The following CELF2 variants were observed in gnomAD, a reference collection of about 807,000 sequenced individuals.
The protein encoded by CELF2 is CUG triplet repeat RNA-binding protein 2.
A neutral mutation model predicts 62.6 loss-of-function variants in CELF2; 8 were observed. The ratio of observed to expected loss-of-function variants is 0.13; its 90% CI spans 0.07 to 0.23. The LOEUF is 0.23. CELF2 is among the 10% of genes least tolerant of loss of function. The pLI, the probability that CELF2 is intolerant of heterozygous loss-of-function variation, is 1.00. For missense variants in CELF2, 333 were observed against 671.0 expected, an observed-to-expected ratio of 0.50 and a Z score of 5.56; for synonymous variants, 258 against 250.0, an observed-to-expected ratio of 1.03 and a Z score of -0.30.
At position 11,242,847 on chromosome 10, in the gene CELF2, G is replaced by C. The variant is rs950670058; in HGVS notation, c.355-6306G>C. The stretch of plus-strand genomic sequence containing the variant: ...ATGGGCTGCTTATCCCCAGGAGGTG[G>C]GACGAAGGGGGAGGCCTGATGCTGG... On this transcript the variant is annotated intron_variant, in intron 3 of 12. Coordinates refer to ENST00000633077, the MANE Select transcript of CELF2 (RefSeq NM_001326342.2). This position sits in a 1 kb window ranked among gnomAD's most constrained non-coding sequence, Gnocchi z 4.8. Among the ~76,000 whole-genome samples, 1 of 152,074 alleles carries C rather than the reference G, an allele frequency of 6.6e-6. No homozygotes were observed. The highest frequency in any genetic ancestry group is 2.4e-5 in the African/African-American group (1 of 41,402).
the CELF2 span, among the ~76,000 whole-genome samples, chr10:10,523,492 CATTATG>C: frequency 6.6e-6 from 1 of 152,134 alleles, no homozygotes; most frequent in Non-Finnish European, 1.5e-5. Flanking sequence ...CATTTACAGA[CATTATG>C]ACTGGGGAGG....
chr10:10,953,690 A>G (rs2048565783), intron 2 of CELF2, among the ~76,000 whole-genome samples: 1 of 152,180 alleles, frequency 6.6e-6, no homozygotes, highest in South Asian at 2.1e-4. Flanking sequence ...TCAGAATGGG[A>G]AAGCCTTTTT....
the CELF2 span, among the ~76,000 whole-genome samples, chr10:10,604,450 T>C: frequency 6.6e-6 from 1 of 152,230 alleles, no homozygotes; most frequent in Non-Finnish European, 1.5e-5. Flanking sequence ...AGTTTCCTCA[T>C]GGTAGTAGTC....
chr10:10,778,328 C>T, the CELF2 span, among the ~76,000 whole-genome samples: 1 of 152,184 alleles, frequency 6.6e-6, no homozygotes, highest in African/African-American at 2.4e-5. Context: ...AAAATGCATG[C>T]ATTGTACACA....
At chr10:10,703,508 A>C in the CELF2 span, among the ~76,000 whole-genome samples, 1 of 152,350 alleles carries the variant, frequency 6.6e-6, no homozygotes, top group South Asian at 2.1e-4. Flanking sequence ...ATGATACTGA[A>C]GACTAAACAG....
chr10:11,246,155 T>G lies in CELF2; in HGVS notation c.355-2998T>G, dbSNP rs572983125. Among the ~76,000 whole-genome samples, 1 of 152,236 alleles carries G rather than the reference T, an allele frequency of 6.6e-6. No homozygotes were observed. The highest frequency in any genetic ancestry group is 6.5e-5 in the Admixed American group (1 of 15,298). On this transcript the variant is annotated intron_variant, in intron 3 of 12. Transcript: ENST00000633077. This position sits in a 1 kb window ranked among gnomAD's most constrained non-coding sequence, Gnocchi z 4.6. ...AATGCTCACAGTGCTCTATTTGTGC[T>G]CTTCTGTTTGTCCCTGTTTTTTATG...
At chr10:10,511,120 T>C in the CELF2 span, among the ~76,000 whole-genome samples, 1 of 152,132 alleles carries the variant, frequency 6.6e-6, no homozygotes, top group African/African-American at 2.4e-5. Context: ...TTAAAATATA[T>C]GTATACAGGC....
In CELF2 at chr10:11,242,269, G is replaced by A. The variant is rs2074157905; in HGVS notation, c.355-6884G>A. Among the ~76,000 whole-genome samples, 1 of 152,190 alleles carries A rather than the reference G, an allele frequency of 6.6e-6. No individual in the cohort carries two copies. Among genetic ancestry groups the A allele is most frequent in the Non-Finnish European group, 1.5e-5 (1 of 68,020 alleles). On this transcript the variant is annotated intron_variant, in intron 3 of 12. Coordinates refer to ENST00000633077, the MANE Select transcript of CELF2 (RefSeq NM_001326342.2). The surrounding 1 kb of genome is among the most constrained non-coding windows in gnomAD (Gnocchi z 4.8). ...TTTTATTGAATCTCATGTTAAAGGTGGTTAACTCATCAATTGGTGATGGCT... is the reference window on the plus strand; with the variant it reads ...TTTTATTGAATCTCATGTTAAAGGTAGTTAACTCATCAATTGGTGATGGCT...
intron 5 of CELF2, among the ~76,000 whole-genome samples, chr10:11,258,309 G>A (rs535080062): frequency 1.6e-4 from 24 of 152,332 alleles, no homozygotes; most frequent in African/African-American, 4.6e-4. Flanking sequence ...GGAAAAAAGC[G>A]TCAATGTTCA....
chr10:11,230,368 G>A (rs548009650), intron 3 of CELF2, among the ~76,000 whole-genome samples: 2 of 152,174 alleles, frequency 1.3e-5, no homozygotes, highest in Admixed American at 1.3e-4. Context: ...GTGCTGTTCT[G>A]TAGAACCGGT....
intron 1 of CELF2, among the ~76,000 whole-genome samples, chr10:11,118,437 G>T (rs962690324): frequency 6.6e-6 from 1 of 152,100 alleles, no homozygotes; most frequent in African/African-American, 2.4e-5. Flanking sequence ...AAAGTGCTGG[G>T]ATTACAAGTG....
intron 2 of CELF2, among the ~76,000 whole-genome samples, chr10:11,183,940 C>CCTTCTTTTA (rs1200793933): frequency 5.3e-5 from 8 of 152,160 alleles, no homozygotes; most frequent in African/African-American, 1.9e-4. Flanking sequence ...TTTATAAATT[C>CCTTCTTTTA]CTTCTTTTAC....
At chr10:10,605,613 C>G in the CELF2 span, among the ~76,000 whole-genome samples, 7 of 152,198 alleles carry the variant, frequency 4.6e-5, no homozygotes, top group Admixed American at 2.0e-4. Context: ...GTGAAATCAG[C>G]TTAGAGCATT....
chr10:10,747,335 A>G, the CELF2 span, among the ~76,000 whole-genome samples: 21 of 152,218 alleles, frequency 1.4e-4, no homozygotes, highest in Admixed American at 9.2e-4. Flanking sequence ...AAAATTGAAC[A>G]GGTAGGATGG....
intron 1 of CELF2, among the ~76,000 whole-genome samples, chr10:11,076,297 A>G (rs1398935815): frequency 6.6e-6 from 1 of 152,194 alleles, no homozygotes; most frequent in Non-Finnish European, 1.5e-5. Flanking sequence ...ATTGTAAATA[A>G]TAGTCAAAGA....
the CELF2 span, among the ~76,000 whole-genome samples, chr10:10,759,296 C>CTTTTTTTTTTTTTTTTTTTTTTTTT: frequency 8.3e-6 from 1 of 120,904 alleles, no homozygotes; most frequent in Non-Finnish European, 1.7e-5. Context: ...GCCCATTTTT[C>CTTTTTTTTTTTTTTTTTTTTTTTTT]TTTTTTTTTT....
At chr10:10,917,636 T>TG (rs2064475102) in intron 1 of CELF2, among the ~76,000 whole-genome samples, 1 of 152,200 alleles carries the variant, frequency 6.6e-6, no homozygotes, top group Non-Finnish European at 1.5e-5. Context: ...CCGCTGTGCT[T>TG]GGCCTTACTG....
At chr10:11,262,468 A>G (rs1306253219) in intron 5 of CELF2, among the ~76,000 whole-genome samples, 1 of 152,188 alleles carries the variant, frequency 6.6e-6, no homozygotes. Flanking sequence ...ATGTGTGGGA[A>G]CTTTGGCGAC....
chr10:10,920,184 GAAGT>G (rs2064757675), intron 2 of CELF2, among the ~76,000 whole-genome samples: 1 of 152,170 alleles, frequency 6.6e-6, no homozygotes, highest in African/African-American at 2.4e-5. Flanking sequence ...ATGTAACCAG[GAAGT>G]AATGAGGCTC....
Sources: gnomAD v4.1 joint callset for allele counts (sites outside exome capture counted in the v4.1 genomes callset) on GRCh38, gnomAD v4.1.1 for gene constraint, Gnocchi (gnomAD v3.1) non-coding constraint, MANE v1.5 for transcripts, NCBI Gene and HGNC (gene_info 2026-07-23, HGNC 2026-07-21) for gene names.